Variants in REDIC1 observed in about 807,000 individuals in gnomAD.
REDIC1 encodes HEI10 Interacting Protein 1.
chr12:39,685,707 G>A, the REDIC1 span, among the ~76,000 whole-genome samples: 5 of 152,032 alleles, frequency 3.3e-5, no homozygotes, highest in African/African-American at 9.7e-5. Flanking sequence ...GTTCTCCAAA[G>A]TCTTAACTCA....
the REDIC1 span, among the ~76,000 whole-genome samples, chr12:39,668,683 C>G: frequency 6.6e-6 from 1 of 152,222 alleles, no homozygotes; most frequent in Non-Finnish European, 1.5e-5. Flanking sequence ...CTGTCACTTT[C>G]AGGTACACCA....
At chr12:39,726,769 C>T in the REDIC1 span, among the ~76,000 whole-genome samples, 3 of 152,174 alleles carry the variant, frequency 2.0e-5, no homozygotes, top group African/African-American at 7.2e-5. Context: ...AACTAATTTA[C>T]ACTCCCACCA....
At chr12:39,771,573 T>C in the REDIC1 span, among the ~76,000 whole-genome samples, 14 of 152,168 alleles carry the variant, frequency 9.2e-5, no homozygotes, top group African/African-American at 2.4e-4. Flanking sequence ...TGTGCATTGA[T>C]TGTAGGCTTG....
chr12:39,707,986 A>G, the REDIC1 span, among the ~76,000 whole-genome samples: 4 of 151,864 alleles, frequency 2.6e-5, no homozygotes, highest in East Asian at 3.9e-4. Context: ...ATAAGAGGGT[A>G]GAAGAATGGT....
chr12:39,869,285 G>A, the REDIC1 span, among the ~76,000 whole-genome samples: 1 of 152,180 alleles, frequency 6.6e-6, no homozygotes, highest in African/African-American at 2.4e-5. Flanking sequence ...TTCTGAAGGT[G>A]TAAAGGTCCA....
chr12:39,744,610 T>C, the REDIC1 span, among the ~76,000 whole-genome samples: 1 of 152,074 alleles, frequency 6.6e-6, no homozygotes, highest in East Asian at 1.9e-4. Flanking sequence ...TTTCTGAAAG[T>C]GGAATTGGAT....
At chr12:39,810,369 C>T in the REDIC1 span, among the ~76,000 whole-genome samples, 73 of 152,194 alleles carry the variant, frequency 4.8e-4, no homozygotes, top group African/African-American at 1.7e-3. Flanking sequence ...TCTACAATGA[C>T]CTTTTTTGAG....
chr12:39,812,861 G>C, the REDIC1 span, among the ~76,000 whole-genome samples: 1 of 140,994 alleles, frequency 7.1e-6, no homozygotes, highest in Admixed American at 7.1e-5. Context: ...TTGAGATAGA[G>C]TCTCACTCTG....
At chr12:39,691,177 C>T in the REDIC1 span, among the ~76,000 whole-genome samples, 4 of 152,046 alleles carry the variant, frequency 2.6e-5, no homozygotes, top group South Asian at 2.1e-4. Flanking sequence ...CAGTAGTTTA[C>T]GTTACTTCTG....
At chr12:39,634,975 G>T in the REDIC1 span, among the ~76,000 whole-genome samples, 1 of 152,020 alleles carries the variant, frequency 6.6e-6, no homozygotes, top group Non-Finnish European at 1.5e-5. Context: ...GTGGGCAAAG[G>T]ATATGAACAG....
chr12:39,661,432 AC>A, the REDIC1 span, among the ~76,000 whole-genome samples: 1 of 151,616 alleles, frequency 6.6e-6, no homozygotes, highest in South Asian at 2.1e-4. Context: ...TTTTAAATAT[AC>A]CTTTTGGGCA....
At chr12:39,896,459 T>C in the REDIC1 span, among the ~76,000 whole-genome samples, 5 of 144,328 alleles carry the variant, frequency 3.5e-5, no homozygotes, top group African/African-American at 1.0e-4. Context: ...TGTGTGTATA[T>C]ATGTATACAT....
At chr12:39,662,898 C>T in the REDIC1 span, among the ~76,000 whole-genome samples, 1 of 151,994 alleles carries the variant, frequency 6.6e-6, no homozygotes, top group African/African-American at 2.4e-5. Flanking sequence ...TGGTTTTTGT[C>T]CTTCATTCTG....
the REDIC1 span, among the ~76,000 whole-genome samples, chr12:39,719,524 G>A: frequency 6.6e-6 from 1 of 151,994 alleles, no homozygotes; most frequent in Admixed American, 6.6e-5. Flanking sequence ...TGAGGTGGGA[G>A]AATCACCTGA....
At chr12:39,627,355 A>G in the REDIC1 span, among the ~76,000 whole-genome samples, 2 of 152,230 alleles carry the variant, frequency 1.3e-5, no homozygotes, top group African/African-American at 4.8e-5. Context: ...AACAGGATTT[A>G]GTTGATACAT....
chr12:39,701,774 G>A, the REDIC1 span, among the ~76,000 whole-genome samples: 1 of 152,004 alleles, frequency 6.6e-6, no homozygotes, highest in Admixed American at 6.6e-5. Context: ...TAGAACTCAG[G>A]ATTAAGAATC....
At chr12:39,783,500 G>C in the REDIC1 span, among the ~76,000 whole-genome samples, 1 of 152,258 alleles carries the variant, frequency 6.6e-6, no homozygotes, top group African/African-American at 2.4e-5. Flanking sequence ...GTGTAAAAGT[G>C]TTCCTATTAC....
At chr12:39,699,958 C>A in the REDIC1 span, among the ~76,000 whole-genome samples, 1 of 151,984 alleles carries the variant, frequency 6.6e-6, no homozygotes, top group African/African-American at 2.4e-5. Flanking sequence ...TCATCAAAGA[C>A]CAAAAGTAGA....
chr12:39,821,486 G>C, the REDIC1 span, among the ~76,000 whole-genome samples: 1 of 152,072 alleles, frequency 6.6e-6, no homozygotes, highest in South Asian at 2.1e-4. Flanking sequence ...GAAGAGAATA[G>C]ATTATGTCAG....
Sources: gnomAD v4.1 joint callset for allele counts (sites outside exome capture counted in the v4.1 genomes callset) on GRCh38, gnomAD v4.1.1 for gene constraint, MANE v1.5 for transcripts, NCBI Gene and HGNC (gene_info 2026-07-23, HGNC 2026-07-21) for gene names.